Variants in DUSP19 observed in about 807,000 individuals in gnomAD.
DUSP19 encodes the protein dual specificity protein phosphatase 19.
Under a neutral mutation model 16.6 loss-of-function variants are expected in DUSP19, and 14 were observed. That is an observed-to-expected ratio of 0.84 (90% CI 0.56 to 1.32). DUSP19 has a LOEUF of 1.32. Among genes scored for constraint, DUSP19 ranks in the 40% most tolerant of loss-of-function variants. The pLI is 0.00. For missense variants in DUSP19, 258 were observed against 255.9 expected (o/e 1.01, Z -0.06); for synonymous variants, 81 against 90.5 (o/e 0.90, Z 0.59).
intron 3 of DUSP19, among the ~76,000 whole-genome samples, chr2:183,092,405 C>T (rs983566116): frequency 1.2e-4 from 19 of 152,186 alleles, no homozygotes; most frequent in African/African-American, 3.9e-4. Context: ...CACCTAACCC[C>T]GACAGGCCCC....
At chr2:183,081,793 A>G (rs1046409382) in intron 1 of DUSP19, among the ~76,000 whole-genome samples, 4 of 152,210 alleles carry the variant, frequency 2.6e-5, no homozygotes, top group African/African-American at 7.2e-5. Context: ...GCTTGGTATT[A>G]TCAAGAGGAT....
chr2:183,081,945 T>C (rs1027973177), intron 1 of DUSP19, among the ~76,000 whole-genome samples: 16 of 152,154 alleles, frequency 1.1e-4, no homozygotes, highest in African/African-American at 3.6e-4. Flanking sequence ...ATACTTGAAA[T>C]CTTTAAACTG....
At chr2:183,095,337 C>G (rs1168676770) in intron 3 of DUSP19, 94 bp from the exon 4 acceptor site, 16 of 976,128 alleles carry the variant, frequency 1.6e-5, no homozygotes, top group Non-Finnish European at 2.3e-5. Context: ...TGAATATTTA[C>G]TTTATACTTT....
chr2:183,081,576 A>G (rs140493190), intron 1 of DUSP19, among the ~76,000 whole-genome samples: 416 of 152,166 alleles, frequency 2.7e-3, no homozygotes, highest in African/African-American at 9.1e-3. Flanking sequence ...ATTTGAACCT[A>G]TTTTTTCCTC....
At chr2:183,082,472 G>T (rs1377948113) in intron 1 of DUSP19, among the ~76,000 whole-genome samples, 1 of 137,290 alleles carries the variant, frequency 7.3e-6, no homozygotes, top group African/African-American at 2.9e-5. Context: ...CACCTAGGCT[G>T]GAGTGCAGTG....
At chr2:183,084,473 T>G (rs1259136217) in intron 2 of DUSP19, among the ~76,000 whole-genome samples, 1 of 150,528 alleles carries the variant, frequency 6.6e-6, no homozygotes, top group East Asian at 1.9e-4. Flanking sequence ...AAATGATATG[T>G]GTGAAGGCCC....
intron 3 of DUSP19, among the ~76,000 whole-genome samples, chr2:183,090,901 C>T (rs760329421): frequency 4.0e-4 from 61 of 152,304 alleles, no homozygotes; most frequent in Middle Eastern, 6.8e-3. Flanking sequence ...ATTCTTGGAT[C>T]CCTGCTCAGG....
rs1699597826 is a variant in DUSP19 at position 183,081,989 on chromosome 2, AT to A, written c.227-1518del. Among the ~76,000 whole-genome samples, 3 of 152,312 alleles carry A rather than the reference AT, an allele frequency of 2.0e-5. No homozygotes were observed. The South Asian group carries it at 6.2e-4, about 32-fold the overall frequency. On this transcript the variant is annotated intron_variant, in intron 1 of 3. Transcript: ENST00000354221. ...ACTTTATTTTGACTAGTTATTCTCC[AT>A]ATGAACTTGCTTATTAACTAGAGCC...
rs2105510946 is a variant in DUSP19 at position 183,099,772 on chromosome 2, G to A, written c.*4114G>A. The A allele has an allele frequency of 6.6e-6, 1 of 152,254 alleles. No individual in the cohort carries two copies. The highest frequency in any genetic ancestry group is 2.4e-5 in the African/African-American group (1 of 41,538). The allele number at this position is 152,254 out of a possible 1,614,324, so 9.4% of individuals were successfully genotyped here. ...TCCCAACATTTTGGGAGGCCAAGGA[G>A]ATGGATCACTTGAGGCCAGGAGTTC... On this transcript the variant is annotated 3_prime_UTR_variant, in exon 4 of 4. Coordinates refer to ENST00000354221, the MANE Select transcript of DUSP19 (RefSeq NM_080876.4).
In DUSP19 at chr2:183,079,092, T is replaced by C. The variant is rs779293839; in HGVS notation, c.159T>C (p.Gly53=). 1.7e-5 allele frequency: 27 copies of C among 1,613,872 alleles called. No homozygotes were observed. The Admixed American group carries it at 4.3e-4, about 26-fold the overall frequency. ...VEEVEPSSGG[G]CGYVQDLSSD... is the part of the protein sequence containing the mutation. ...AAGTAGAGCCGAGCAGTGGGGGTGG[T>C]TGTGGTTATGTGCAGGACCTTAGCT... Residue 53 remains glycine (G), a synonymous_variant, in exon 1 of 4, where the codon GGT becomes GGC. Transcript: ENST00000354221.
intron 1 of DUSP19, among the ~76,000 whole-genome samples, chr2:183,082,419 CTTTTTTTTTT>C (rs71008260): frequency 1.1e-4 from 9 of 84,830 alleles, no homozygotes; most frequent in African/African-American, 4.2e-4. Context: ...GAACATTTTT[CTTTTTTTTTT>C]TTTTTTTTTT....
chr2:183,085,504 C>T (rs771199281), intron 2 of DUSP19, among the ~76,000 whole-genome samples: 6 of 150,692 alleles, frequency 4.0e-5, no homozygotes, highest in African/African-American at 7.3e-5. Context: ...GTTGTTAGTG[C>T]GTTTGGTGGA....
chr2:183,079,597 G>A (rs1313090820), intron 1 of DUSP19, among the ~76,000 whole-genome samples: 2 of 152,224 alleles, frequency 1.3e-5, no homozygotes, highest in East Asian at 3.8e-4. Flanking sequence ...GGCCTGCGCA[G>A]CTCTTACAGA....
rs755014801 is a variant in DUSP19, at chr2:183,083,491, T to A, written c.227-17T>A. On this transcript the variant is annotated splice_polypyrimidine_tract_variant and intron_variant, in intron 1 of 3. Transcript: ENST00000354221. Reference sequence around the variant, plus strand: ...GATTATATTTGTGTTCAAGGTGGTATCATTTATTTCTTCTAGGGTCACAAG... The same window carrying A: ...GATTATATTTGTGTTCAAGGTGGTAACATTTATTTCTTCTAGGGTCACAAG... The A allele has an allele frequency of 1.9e-6, 3 of 1,596,732 alleles. No individual in the cohort carries two copies. The highest frequency in any genetic ancestry group is 2.6e-6 in the Non-Finnish European group (3 of 1,171,186).
In DUSP19 at chr2:183,097,753, A is replaced by T. The variant is rs552445313; in HGVS notation, c.*2095A>T. ...GGATAAGCCTTCTCCTTTCATAAGA[A>T]AGGATGTATTTAAATACATTTTATT... On this transcript the variant is annotated 3_prime_UTR_variant, in exon 4 of 4. Coordinates refer to ENST00000354221, the MANE Select transcript of DUSP19 (RefSeq NM_080876.4). The T allele has an allele frequency of 6.6e-6, 1 of 152,322 alleles. No homozygotes were observed. The highest frequency in any genetic ancestry group is 2.1e-4 in the South Asian group (1 of 4,828). 9.4% of individuals were successfully genotyped at this position (152,322 alleles called of 1,614,324 possible).
intron 1 of DUSP19, among the ~76,000 whole-genome samples, chr2:183,083,022 C>T (rs143863432): frequency 1.1e-3 from 161 of 152,138 alleles, no homozygotes; most frequent in African/African-American, 3.7e-3. Context: ...CTGCCTTAGC[C>T]TTCTGAATAC....
chr2:183,093,668 A>T (rs1363181573), intron 3 of DUSP19, among the ~76,000 whole-genome samples: 1 of 152,242 alleles, frequency 6.6e-6, no homozygotes, highest in Non-Finnish European at 1.5e-5. Context: ...TATATAAAGT[A>T]GAAAGAAGAA....
At chr2:183,082,861 CCTCT>C (rs1167162344) in intron 1 of DUSP19, among the ~76,000 whole-genome samples, 5 of 145,862 alleles carry the variant, frequency 3.4e-5, no homozygotes, top group African/African-American at 1.0e-4. Flanking sequence ...TCCCTCCCTC[CCTCT>C]CTCTTCTCTT....
chr2:183,082,004 T>G (rs1298820908), intron 1 of DUSP19, among the ~76,000 whole-genome samples: 1 of 152,224 alleles, frequency 6.6e-6, no homozygotes, highest in Non-Finnish European at 1.5e-5. Context: ...AACTTGCTTA[T>G]TAACTAGAGC....
Sources: gnomAD v4.1 joint callset for allele counts (sites outside exome capture counted in the v4.1 genomes callset) on GRCh38, gnomAD v4.1.1 for gene constraint, MANE v1.5 for transcripts, NCBI Gene and HGNC (gene_info 2026-07-23, HGNC 2026-07-21) for gene names.